RORA: variants seen among roughly 807,000 people sequenced by gnomAD.
RORA encodes RAR related orphan receptor A.
In RORA, 7 loss-of-function variants were observed where a neutral mutation model predicts 69.5. That is an observed-to-expected ratio of 0.10 (90% CI 0.06 to 0.19). The LOEUF is 0.19. Among genes scored for constraint, RORA ranks in the 10% least tolerant of loss-of-function variants. RORA has a pLI of 1.00. For synonymous variants in RORA, 261 were observed against 240.8 expected (o/e 1.08, Z -0.78); for missense variants, 457 against 663.0 (o/e 0.69, Z 3.41).
At chr15:60,806,947 C>T (rs566274186) in intron 1 of RORA, among the ~76,000 whole-genome samples, 28 of 152,096 alleles carry the variant, frequency 1.8e-4, no homozygotes, top group Admixed American at 5.9e-4. Flanking sequence ...AAACCCACAG[C>T]CAACATTATA....
chr15:60,904,871 A>G (rs1319363333), intron 1 of RORA, among the ~76,000 whole-genome samples: 1 of 152,158 alleles, frequency 6.6e-6, no homozygotes, highest in African/African-American at 2.4e-5. Context: ...TGGGGTGGTC[A>G]AGGCCAATGT....
At chr15:60,554,446 C>T (rs1956810713) in intron 2 of RORA, among the ~76,000 whole-genome samples, 2 of 152,010 alleles carry the variant, frequency 1.3e-5, no homozygotes, top group Admixed American at 6.6e-5. Flanking sequence ...CCAAGAAAGA[C>T]AAGACTGTTG....
chr15:61,196,528 G>T (rs917243998), intron 1 of RORA, among the ~76,000 whole-genome samples: 1 of 152,248 alleles, frequency 6.6e-6, no homozygotes, highest in Non-Finnish European at 1.5e-5. Context: ...TGCACAAGCA[G>T]CACTTGCGTG....
intron 1 of RORA, among the ~76,000 whole-genome samples, chr15:60,763,065 A>ATTTTT (rs374433414): frequency 0.1 from 5,006 of 48,296 alleles, 924 homozygotes; most frequent in African/African-American, 0.16. Flanking sequence ...ATATGCACAG[A>ATTTTT]TTTTTTTTTT....
chr15:60,947,345 T>A (rs1892923908), intron 1 of RORA, among the ~76,000 whole-genome samples: 1 of 152,190 alleles, frequency 6.6e-6, no homozygotes, highest in Admixed American at 6.5e-5. Flanking sequence ...TGTTCTGTAC[T>A]GGGAAAAATT....
At chr15:60,769,478 C>T (rs1168315799) in intron 1 of RORA, among the ~76,000 whole-genome samples, 1 of 152,120 alleles carries the variant, frequency 6.6e-6, no homozygotes, top group Non-Finnish European at 1.5e-5. Flanking sequence ...GCCAAGATAA[C>T]TACAGAGCTG....
chr15:60,990,863 T>C (rs751200093), intron 1 of RORA, among the ~76,000 whole-genome samples: 1 of 152,150 alleles, frequency 6.6e-6, no homozygotes, highest in Non-Finnish European at 1.5e-5. Context: ...AATCTCAAAA[T>C]ACAAGGCAAG....
chr15:60,761,203 C>G (rs1279891777), intron 1 of RORA, among the ~76,000 whole-genome samples: 1 of 152,150 alleles, frequency 6.6e-6, no homozygotes, highest in Non-Finnish European at 1.5e-5. Context: ...GGGGGTGCCA[C>G]CCAGCCTGTA....
intron 3 of RORA, chr15:60,528,026 C>T (rs1460700436): frequency 6.6e-6 from 1 of 152,198 alleles, no homozygotes; most frequent in Admixed American, 6.5e-5. Flanking sequence ...TTTAGACCAC[C>T]TAGGTATGCT....
intron 2 of RORA, among the ~76,000 whole-genome samples, chr15:60,605,427 A>G (rs1470012133): frequency 2.0e-5 from 3 of 152,214 alleles, no homozygotes; most frequent in Non-Finnish European, 4.4e-5. Flanking sequence ...AATAAAAACC[A>G]ATAATTTTAA....
chr15:61,097,258 C>T (rs955476615), intron 1 of RORA, among the ~76,000 whole-genome samples: 1 of 152,204 alleles, frequency 6.6e-6, no homozygotes, highest in Non-Finnish European at 1.5e-5. Flanking sequence ...GACTGGTCTG[C>T]TTTCCAGCAC....
At chr15:60,926,702 G>A (rs1479863209) in intron 1 of RORA, among the ~76,000 whole-genome samples, 1 of 152,148 alleles carries the variant, frequency 6.6e-6, no homozygotes, top group Non-Finnish European at 1.5e-5. Flanking sequence ...CAAACTAAAT[G>A]TCTATTACTA....
intron 1 of RORA, among the ~76,000 whole-genome samples, chr15:61,132,608 G>A (rs973317540): frequency 2.0e-5 from 3 of 152,132 alleles, no homozygotes; most frequent in African/African-American, 4.8e-5. Flanking sequence ...AAAATGAAGT[G>A]CAATAACTTA....
chr15:60,672,230 T>C (rs1283782821), intron 2 of RORA, among the ~76,000 whole-genome samples: 1 of 152,178 alleles, frequency 6.6e-6, no homozygotes, highest in East Asian at 1.9e-4. Context: ...GGTAGCATAG[T>C]TGTAAGGTAA....
intron 1 of RORA, among the ~76,000 whole-genome samples, chr15:60,859,805 T>A (rs1426555651): frequency 1.3e-5 from 2 of 152,026 alleles, no homozygotes; most frequent in Non-Finnish European, 2.9e-5. Context: ...ATTTGTGGAA[T>A]TTACCCGATG....
chr15:60,700,346 G>A (rs1256139797), intron 1 of RORA, among the ~76,000 whole-genome samples: 3 of 152,104 alleles, frequency 2.0e-5, no homozygotes, highest in East Asian at 1.9e-4. Context: ...GTTGACCTTC[G>A]ATCCTGTCTG....
In RORA at chr15:60,492,738, T is replaced by TTTATC. The variant is rs1257921797; in HGVS notation, c.*4712_*4716dup. 3.9e-5 allele frequency: 6 copies of TTTATC among 152,144 alleles called. No homozygotes were observed. The highest frequency in any genetic ancestry group is 3.9e-4 in the Admixed American group (6 of 15,274). The allele number at this position is 152,144 out of a possible 1,614,324, so 9.4% of individuals were successfully genotyped here. The stretch of plus-strand genomic sequence containing the variant: ...ATGCTCTTTGCTGGTACATTATTAA[T>TTTATC]TTATCTTTTGAACACACTGGCATAA... On this transcript the variant is annotated 3_prime_UTR_variant, in exon 11 of 11. Coordinates refer to ENST00000335670, the MANE Select transcript of RORA (RefSeq NM_134261.3).
intron 1 of RORA, among the ~76,000 whole-genome samples, chr15:60,713,595 T>C (rs2071175428): frequency 6.6e-6 from 1 of 152,168 alleles, no homozygotes. Context: ...CTCAACCAAG[T>C]CATATTCAGC....
intron 1 of RORA, among the ~76,000 whole-genome samples, chr15:60,916,377 A>T (rs75119628): frequency 1.3e-5 from 2 of 152,218 alleles, no homozygotes; most frequent in African/African-American, 4.8e-5. Flanking sequence ...ACAAACGTGC[A>T]GACAGTCTAA....
Sources: gnomAD v4.1 joint callset for allele counts (sites outside exome capture counted in the v4.1 genomes callset) on GRCh38, gnomAD v4.1.1 for gene constraint, MANE v1.5 for transcripts, NCBI Gene and HGNC (gene_info 2026-07-23, HGNC 2026-07-21) for gene names.